RORA: variants seen among roughly 807,000 people sequenced by gnomAD.
RORA encodes the protein nuclear receptor ROR-alpha.
Under a neutral mutation model 69.5 loss-of-function variants are expected in RORA, and 7 were observed. That is an observed-to-expected ratio of 0.10 (90% CI 0.06 to 0.19). The LOEUF is 0.19. RORA is among the 10% of genes least tolerant of loss of function. RORA has a pLI of 1.00. For synonymous variants in RORA, 261 were observed against 240.8 expected (o/e 1.08, Z -0.78); for missense variants, 457 against 663.0 (o/e 0.69, Z 3.41).
chr15:61,197,839 G>A (rs1425558551), intron 1 of RORA, among the ~76,000 whole-genome samples: 6 of 152,168 alleles, frequency 3.9e-5, no homozygotes, highest in African/African-American at 1.4e-4. Context: ...AATGCCTTAG[G>A]GAGAGGGTAT....
At chr15:61,099,473 G>A (rs948963013) in intron 1 of RORA, among the ~76,000 whole-genome samples, 5 of 152,168 alleles carry the variant, frequency 3.3e-5, no homozygotes, top group African/African-American at 7.2e-5. Flanking sequence ...AGATAAATCA[G>A]GAAAGATACA....
Position 60,500,975 on chromosome 15 carries a change from A to C in RORA, c.1278T>G (p.Phe426Leu). 1 of 1,587,782 alleles carries C rather than the reference A, an allele frequency of 6.3e-7. No homozygotes were observed. Among genetic ancestry groups the C allele is most frequent in the East Asian group, 2.2e-5 (1 of 44,654 alleles). The change falls in exon 9 of 11, where the codon TTT (phenylalanine) becomes TTG (leucine). Residue 426 changes from phenylalanine (F) to leucine (L), a missense_variant. Phe to Leu is a conservative substitution (Grantham distance 22, BLOSUM62 0). This residue lies in a region of RORA where 304 missense variants were observed against 447.4 expected (regional missense o/e 0.68). Transcript: ENST00000335670. ...TEDEIALFSAFVLMSADRSWL... is the reference protein window; with the variant it reads ...TEDEIALFSALVLMSADRSWL... Reference sequence around the variant, plus strand: ...TTGTCTTACCTGCTGACATCAGTACAAATGCAGAAAATAATGCAATTTCAT... The same window carrying C: ...TTGTCTTACCTGCTGACATCAGTACCAATGCAGAAAATAATGCAATTTCAT...
At chr15:61,077,763 C>T (rs191453112) in intron 1 of RORA, among the ~76,000 whole-genome samples, 3 of 152,322 alleles carry the variant, frequency 2.0e-5, no homozygotes, top group Admixed American at 2.0e-4. Flanking sequence ...TTATAAGTCT[C>T]CCATCTCACT....
chr15:60,499,832 A>G (rs2065274377), intron 10 of RORA, 60 bp downstream of exon 10: 1 of 889,986 alleles, frequency 1.1e-6, no homozygotes, highest in African/African-American at 1.7e-5. Context: ...CCATATTGGC[A>G]GCATGATTTG....
At chr15:60,688,563 C>T (rs1397026421) in intron 1 of RORA, among the ~76,000 whole-genome samples, 3 of 152,166 alleles carry the variant, frequency 2.0e-5, no homozygotes, top group African/African-American at 7.2e-5. Flanking sequence ...ATGGCAAGTA[C>T]TAATTGCATT....
At chr15:61,022,700 G>A (rs963391637) in intron 1 of RORA, among the ~76,000 whole-genome samples, 15 of 152,196 alleles carry the variant, frequency 9.9e-5, no homozygotes, top group African/African-American at 3.6e-4. Flanking sequence ...GGCAAAGAGT[G>A]TACAGATTTA....
At chr15:60,813,922 G>A (rs1165675489) in intron 1 of RORA, among the ~76,000 whole-genome samples, 1 of 152,062 alleles carries the variant, frequency 6.6e-6, no homozygotes, top group Non-Finnish European at 1.5e-5. Flanking sequence ...TTAGGTAAAT[G>A]TCGGATACTC....
intron 1 of RORA, among the ~76,000 whole-genome samples, chr15:60,807,318 G>A (rs949101046): frequency 2.6e-5 from 4 of 151,904 alleles, no homozygotes; most frequent in Non-Finnish European, 5.9e-5. Flanking sequence ...CACAATAGCT[G>A]CAAACAAAAC....
At chr15:60,793,650 A>G (rs555985204) in intron 1 of RORA, among the ~76,000 whole-genome samples, 17 of 152,230 alleles carry the variant, frequency 1.1e-4, no homozygotes, top group Non-Finnish European at 2.4e-4. Context: ...AGAAGCAGAG[A>G]GTAAGGAAGC....
chr15:60,928,198 C>A (rs548470486), intron 1 of RORA, among the ~76,000 whole-genome samples: 94 of 152,306 alleles, frequency 6.2e-4, no homozygotes, highest in African/African-American at 2.2e-3. Context: ...GACTCCCCTG[C>A]ATCTCACATG....
At chr15:61,138,809 C>A (rs537796707) in intron 1 of RORA, among the ~76,000 whole-genome samples, 3 of 152,038 alleles carry the variant, frequency 2.0e-5, no homozygotes, top group Non-Finnish European at 4.4e-5. Context: ...AATGCCATGA[C>A]AGGGACACTG....
At chr15:60,704,413 G>A (rs1042180618) in intron 1 of RORA, among the ~76,000 whole-genome samples, 5 of 152,070 alleles carry the variant, frequency 3.3e-5, no homozygotes, top group Admixed American at 1.3e-4. Flanking sequence ...CAAAGGTGCT[G>A]GAGGCACACT....
At chr15:61,138,374 A>T (rs2079264480) in intron 1 of RORA, among the ~76,000 whole-genome samples, 1 of 152,218 alleles carries the variant, frequency 6.6e-6, no homozygotes. Context: ...ATGCTGAATG[A>T]TGTATGAACA....
At chr15:60,781,703 G>A (rs1457129694) in intron 1 of RORA, among the ~76,000 whole-genome samples, 2 of 152,034 alleles carry the variant, frequency 1.3e-5, no homozygotes, top group Non-Finnish European at 2.9e-5. Context: ...GGTAGGGGGC[G>A]GGCAACGGGG....
At chr15:60,798,358 A>G (rs2072528089) in intron 1 of RORA, among the ~76,000 whole-genome samples, 1 of 152,238 alleles carries the variant, frequency 6.6e-6, no homozygotes, top group South Asian at 2.1e-4. Context: ...AAAGCATTCA[A>G]AAATGAGTTT....
At chr15:60,538,467 G>T (rs567313255) in intron 2 of RORA, among the ~76,000 whole-genome samples, 1 of 150,286 alleles carries the variant, frequency 6.7e-6, no homozygotes, top group Non-Finnish European at 1.5e-5. Context: ...TCATGGCAAA[G>T]ATTGCGATGC....
chr15:61,149,207 C>T (rs1037749452), intron 1 of RORA, among the ~76,000 whole-genome samples: 3 of 152,164 alleles, frequency 2.0e-5, no homozygotes. Context: ...CAATCCCAGA[C>T]CTATTGTGAT....
At chr15:61,114,759 G>A (rs1049227300) in intron 1 of RORA, among the ~76,000 whole-genome samples, 3 of 152,102 alleles carry the variant, frequency 2.0e-5, no homozygotes, top group Non-Finnish European at 4.4e-5. Flanking sequence ...ATTTCAATCA[G>A]CCCAAGCAAG....
At chr15:60,839,952 G>A (rs2073174001) in intron 1 of RORA, among the ~76,000 whole-genome samples, 1 of 152,202 alleles carries the variant, frequency 6.6e-6, no homozygotes, top group Non-Finnish European at 1.5e-5. Flanking sequence ...TGTAAATAGA[G>A]AAGGCAGATG....
Sources: gnomAD v4.1 joint callset for allele counts (sites outside exome capture counted in the v4.1 genomes callset) on GRCh38, gnomAD v4.1.1 for gene constraint, gnomAD v4.1.1 regional missense constraint, MANE v1.5 for transcripts, NCBI Gene and HGNC (gene_info 2026-07-23, HGNC 2026-07-21) for gene names.